OPCML: variants seen among roughly 807,000 people sequenced by gnomAD.
OPCML encodes the protein opioid-binding protein/cell adhesion molecule.
Under a neutral mutation model 37.8 loss-of-function variants are expected in OPCML, and 13 were observed. The observed-to-expected ratio is 0.34, with a 90% CI of 0.22 to 0.55. The LOEUF (loss-of-function observed/expected upper bound fraction) is 0.55, where lower values mean the gene tolerates loss of function less well. Ranked by LOEUF, OPCML falls within the 20% of genes least tolerant of loss-of-function variation. The pLI is 0.91. For synonymous variants in OPCML, 176 were observed against 168.8 expected (o/e 1.04, Z -0.33); for missense variants, 341 against 435.6 (o/e 0.78, Z 1.93).
intron 1 of OPCML, among the ~76,000 whole-genome samples, chr11:133,507,034 C>A (rs1054685072): frequency 6.6e-6 from 1 of 152,232 alleles, no homozygotes; most frequent in African/African-American, 2.4e-5. Context: ...CCCCACTTCC[C>A]ATTTTCATCC....
Position 132,722,011 on chromosome 11 carries a change from A to G in OPCML, c.147-64692T>C, listed in dbSNP as rs1158973513. ...TGCTCTGTTGCCCAGGCTGGAGTGC[A>G]GTGGAGTGATCTCGGCTCACTGCAA... On this transcript the variant is annotated intron_variant, in intron 2 of 7. Transcript: ENST00000524381. Among the ~76,000 whole-genome samples the G allele has an allele frequency of 4.1e-5, 5 of 122,096 alleles. No individual in the cohort carries two copies. The Admixed American group carries it at 5.7e-4, about 14-fold the overall frequency. The allele number at this position is 122,096 out of a possible 152,430, so 80.1% of individuals were successfully genotyped here. A position where few individuals can be genotyped will look rare whatever the true frequency, so the allele number is the denominator to read the frequency against.
chr11:132,953,230 C>A (rs1945900629), intron 1 of OPCML, among the ~76,000 whole-genome samples: 1 of 152,028 alleles, frequency 6.6e-6, no homozygotes, highest in Admixed American at 6.6e-5. Context: ...AGACCAGGGC[C>A]CAGTACAGAG....
chr11:133,481,682 T>C (rs887431548), intron 1 of OPCML, among the ~76,000 whole-genome samples: 1 of 152,154 alleles, frequency 6.6e-6, no homozygotes, highest in Non-Finnish European at 1.5e-5. Flanking sequence ...GAGGTCTGTC[T>C]GAGTTAAGCC....
At chr11:132,877,655 C>T (rs570412784) in intron 2 of OPCML, among the ~76,000 whole-genome samples, 73 of 152,238 alleles carry the variant, frequency 4.8e-4, no homozygotes, top group Middle Eastern at 3.4e-3. Flanking sequence ...CTGGCTGGAA[C>T]GGAGATGTGG....
At chr11:132,869,288 T>C (rs1316367603) in intron 2 of OPCML, among the ~76,000 whole-genome samples, 2 of 152,140 alleles carry the variant, frequency 1.3e-5, no homozygotes, top group Admixed American at 6.5e-5. Flanking sequence ...AAACACCGAA[T>C]GCCCATCCAG....
intron 1 of OPCML, among the ~76,000 whole-genome samples, chr11:133,408,758 G>T (rs376772697): frequency 6.6e-6 from 1 of 152,180 alleles, no homozygotes; most frequent in African/African-American, 2.4e-5. Context: ...AACACCAGGA[G>T]AATGTGCAAA....
chr11:132,998,759 A>G (rs1343009260), intron 1 of OPCML, among the ~76,000 whole-genome samples: 2 of 152,126 alleles, frequency 1.3e-5, no homozygotes, highest in Non-Finnish European at 2.9e-5. Context: ...GGCCCAAATG[A>G]GACACCTCAC....
At chr11:133,376,965 G>A (rs1944817454) in intron 1 of OPCML, among the ~76,000 whole-genome samples, 1 of 152,168 alleles carries the variant, frequency 6.6e-6, no homozygotes, top group Non-Finnish European at 1.5e-5. Flanking sequence ...GTCAAAAGAA[G>A]GAAGGGAGGG....
At chr11:133,114,187 T>C (rs1949297167) in intron 1 of OPCML, among the ~76,000 whole-genome samples, 1 of 152,138 alleles carries the variant, frequency 6.6e-6, no homozygotes, top group Admixed American at 6.5e-5. Flanking sequence ...CATCACTGCC[T>C]GGGCCTCCCC....
rs186576186 is a variant in OPCML at position 132,485,851 on chromosome 11, T to C, written c.505+43210A>G. Among the ~76,000 whole-genome samples, 82 of 152,316 alleles carry C rather than the reference T, an allele frequency of 5.4e-4. 1 individual carries two copies. The highest frequency in any genetic ancestry group is 1.9e-3 in the African/African-American group (79 of 41,562). ...CTGTATAACTATTATAAATAAAACA[T>C]TCTTGTACAAATCTTTTTGTGGACA... On this transcript the variant is annotated intron_variant, in intron 4 of 7. Transcript: ENST00000524381.
At chr11:133,129,175 G>T (rs1949566058) in intron 1 of OPCML, among the ~76,000 whole-genome samples, 1 of 152,142 alleles carries the variant, frequency 6.6e-6, no homozygotes, top group Non-Finnish European at 1.5e-5. Flanking sequence ...CCAGAATGGA[G>T]TGCTAGAGAG....
chr11:133,496,769 G>A (rs1947796199), intron 1 of OPCML, among the ~76,000 whole-genome samples: 1 of 152,208 alleles, frequency 6.6e-6, no homozygotes, highest in East Asian at 1.9e-4. Flanking sequence ...AAACTTTGCT[G>A]AATTCTTTTA....
chr11:133,255,627 G>T (rs187959258), intron 1 of OPCML, among the ~76,000 whole-genome samples: 1 of 152,242 alleles, frequency 6.6e-6, no homozygotes, highest in East Asian at 1.9e-4. Flanking sequence ...ATTAAAAAGA[G>T]GGGATTAATA....
Position 133,448,067 on chromosome 11 carries a change from T to C in OPCML, c.61+84197A>G, listed in dbSNP as rs117198491. Among the ~76,000 whole-genome samples the C allele has an allele frequency of 5.3e-5, 8 of 152,356 alleles. No individual in the cohort carries two copies. In the East Asian group the frequency reaches 1.5e-3, roughly 29 times the overall value. On this transcript the variant is annotated intron_variant, in intron 1 of 7. Coordinates refer to ENST00000524381, the MANE Select transcript of OPCML (RefSeq NM_001012393.5). ...AAAAGTCCAATGTATTATTTTTTCC[T>C]TTGTGAATCATGCTTTTGGTATCAT...
intron 1 of OPCML, among the ~76,000 whole-genome samples, chr11:133,210,519 G>A (rs930891583): frequency 2.5e-4 from 38 of 152,050 alleles, no homozygotes; most frequent in Admixed American, 1.4e-3. Flanking sequence ...TATGTATCAT[G>A]TATTTCTTTG....
chr11:133,475,233 TTG>T (rs1947215322), intron 1 of OPCML, among the ~76,000 whole-genome samples: 7 of 116,318 alleles, frequency 6.0e-5, no homozygotes, highest in Admixed American at 2.3e-4. Context: ...TGTTTTTTTG[TTG>T]TTGTTGTTGT....
At chr11:133,008,403 C>A in intron 1 of OPCML, 2 of 985,400 alleles carry the variant, frequency 2.0e-6, no homozygotes, top group Non-Finnish European at 1.2e-6. Flanking sequence ...CGAGATTGTG[C>A]TCAGGAGGTC....
At chr11:133,485,190 G>C (rs189279032) in intron 1 of OPCML, among the ~76,000 whole-genome samples, 1 of 152,232 alleles carries the variant, frequency 6.6e-6, no homozygotes, top group Admixed American at 6.5e-5. Flanking sequence ...TCAATAAAGT[G>C]ACTGGATATA....
At chr11:132,421,411 G>C (rs1352592841) in intron 7 of OPCML, among the ~76,000 whole-genome samples, 6 of 152,176 alleles carry the variant, frequency 3.9e-5, no homozygotes, top group Non-Finnish European at 7.3e-5. Flanking sequence ...TTGGCCTACT[G>C]GAAATAAGCT....
Sources: gnomAD v4.1 joint callset for allele counts (sites outside exome capture counted in the v4.1 genomes callset) on GRCh38, gnomAD v4.1.1 for gene constraint, MANE v1.5 for transcripts, NCBI Gene and HGNC (gene_info 2026-07-23, HGNC 2026-07-21) for gene names.